SYCP1: variants seen among roughly 807,000 people sequenced by gnomAD.
SYCP1 encodes synaptonemal complex protein 1.
Under a neutral mutation model 153.1 loss-of-function variants are expected in SYCP1, and 64 were observed. That is an observed-to-expected ratio of 0.42 (90% CI 0.34 to 0.51). The LOEUF is 0.51. Among genes scored for constraint, SYCP1 ranks in the 20% least tolerant of loss-of-function variants. The probability of loss-of-function intolerance (pLI) is 0.06; values close to 1 mark genes in which losing one functional copy is unlikely to be tolerated. For synonymous variants in SYCP1, 384 were observed against 341.8 expected (o/e 1.12, Z -1.36); for missense variants, 997 against 1,049.0 (o/e 0.95, Z 0.68).
intron 27 of SYCP1, among the ~76,000 whole-genome samples, chr1:114,959,082 TG>T (rs1232392427): frequency 6.6e-6 from 1 of 152,286 alleles, no homozygotes; most frequent in East Asian, 1.9e-4. Context: ...TGAAATTCAG[TG>T]TATCTAGATG....
rs185797679 is a variant in SYCP1, at chr1:114,980,600, A to G, written c.2383-736A>G. ...TATAGGTGAAAAAGAAGAAGTATCA[A>G]TGTATGAAAGAGAACGAATGAAAGT... is the stretch of plus-strand genomic sequence containing the variant. On this transcript the variant is annotated intron_variant, in intron 28 of 31. Coordinates refer to ENST00000369522, the MANE Select transcript of SYCP1 (RefSeq NM_003176.4). Among the ~76,000 whole-genome samples, 11 of 152,060 alleles carry G rather than the reference A, an allele frequency of 7.2e-5. No homozygotes were observed. In the East Asian group the frequency reaches 2.1e-3, roughly 29 times the overall value.
intron 16 of SYCP1, among the ~76,000 whole-genome samples, chr1:114,907,840 C>T (rs1333079739): frequency 2.0e-5 from 3 of 152,130 alleles, no homozygotes; most frequent in Non-Finnish European, 4.4e-5. Flanking sequence ...CTCGGCCTCC[C>T]TATTTATGTC....
At chr1:114,912,562 T>C (rs1278753303) in intron 18 of SYCP1, among the ~76,000 whole-genome samples, 1 of 152,016 alleles carries the variant, frequency 6.6e-6, no homozygotes, top group Non-Finnish European at 1.5e-5. Context: ...TTCAGTTTTT[T>C]TTTTAAATAC....
chr1:114,923,673 T>C lies in SYCP1; in HGVS notation c.1800+143T>C, dbSNP rs994703093. 25 of 788,770 alleles carry C rather than the reference T, an allele frequency of 3.2e-5. No individual in the cohort carries two copies. The African/African-American group carries it at 3.8e-4, about 12-fold the overall frequency. The allele number at this position is 788,770 out of a possible 1,614,324, so 48.9% of individuals were successfully genotyped here. A position where few individuals can be genotyped will look rare whatever the true frequency, so the allele number is the denominator to read the frequency against. Reference sequence around the variant, plus strand: ...ACTGTCATCAGCCATCAACCTTAAATATCTAGGAAAGGTTGGATTATTTTA... The same window carrying C: ...ACTGTCATCAGCCATCAACCTTAAACATCTAGGAAAGGTTGGATTATTTTA... On this transcript the variant is annotated intron_variant, in intron 21 of 31. Transcript: ENST00000369522.
At chr1:114,988,080 C>CAAAAAAAAAAAAAAAA (rs34553973) in intron 30 of SYCP1, among the ~76,000 whole-genome samples, 19 of 114,600 alleles carry the variant, frequency 1.7e-4, no homozygotes, top group South Asian at 2.7e-4. Flanking sequence ...TGATAAACGG[C>CAAAAAAAAAAAAAAAA]AAAAAAAAAA....
At chr1:114,917,898 T>C (rs1178392489) in intron 20 of SYCP1, among the ~76,000 whole-genome samples, 2 of 152,136 alleles carry the variant, frequency 1.3e-5, no homozygotes, top group African/African-American at 4.8e-5. Context: ...CCTTGTCAGA[T>C]GGATAGTTTA....
intron 27 of SYCP1, among the ~76,000 whole-genome samples, chr1:114,960,111 TG>T (rs1671687457): frequency 1.3e-5 from 2 of 151,394 alleles, no homozygotes; most frequent in Non-Finnish European, 2.9e-5. Flanking sequence ...TACCTAGCAG[TG>T]GGATGGCTGG....
chr1:114,964,913 G>C (rs957235606), intron 27 of SYCP1, among the ~76,000 whole-genome samples: 4 of 152,202 alleles, frequency 2.6e-5, no homozygotes, highest in Admixed American at 2.6e-4. Context: ...GTCAATGGTA[G>C]CTTGATGGGG....
At chr1:114,919,575 T>A (rs360579) in intron 20 of SYCP1, among the ~76,000 whole-genome samples, 58,557 of 151,894 alleles carry the variant, frequency 0.39, 12,501 homozygotes, top group East Asian at 0.5. Flanking sequence ...TCTGTAGGAT[T>A]GATATTAATT....
rs141451033 is a variant in SYCP1 at position 114,869,569 on chromosome 1, C to T, written c.599-4937C>T. Among the ~76,000 whole-genome samples the T allele has an allele frequency of 1.2e-3, 184 of 152,252 alleles. 1 individual carries two copies. In the East Asian group the frequency reaches 0.012, roughly 10 times the overall value. On this transcript the variant is annotated intron_variant, in intron 8 of 31. Coordinates refer to ENST00000369522, the MANE Select transcript of SYCP1 (RefSeq NM_003176.4). ...TTGATGGTTTTATTGAATCCAACTA[C>T]AGGTTAAGCAGCCCTAATCCAAAAA...
chr1:114,945,507 A>C (rs1232670858), intron 25 of SYCP1, among the ~76,000 whole-genome samples: 1 of 149,918 alleles, frequency 6.7e-6, no homozygotes, highest in Non-Finnish European at 1.5e-5. Flanking sequence ...TATTCAATTA[A>C]AAAAAAAAGC....
intron 27 of SYCP1, among the ~76,000 whole-genome samples, chr1:114,958,213 C>T (rs1466695848): frequency 6.6e-6 from 1 of 152,128 alleles, no homozygotes; most frequent in Admixed American, 6.5e-5. Context: ...TAAATATTCT[C>T]ACTCATATGT....
intron 23 of SYCP1, among the ~76,000 whole-genome samples, chr1:114,937,466 A>G (rs1670095853): frequency 6.6e-6 from 1 of 152,234 alleles, no homozygotes; most frequent in African/African-American, 2.4e-5. Flanking sequence ...AGGCGATACC[A>G]TTCAGGACAT....
chr1:114,869,800 C>G (rs1664991621), intron 8 of SYCP1, among the ~76,000 whole-genome samples: 1 of 152,132 alleles, frequency 6.6e-6, no homozygotes, highest in Admixed American at 6.6e-5. Context: ...AAGGGACACT[C>G]AACATACATG....
chr1:114,892,440 C>G lies in SYCP1; in HGVS notation c.1259-3008C>G, dbSNP rs539658302. On this transcript the variant is annotated intron_variant, in intron 15 of 31. Transcript: ENST00000369522. ...GCTTCAGCCCCAGGCATCAGCTGTC[C>G]GTGAGCCTGTACTCAGGGCATGTGA... Among the ~76,000 whole-genome samples, 39 of 152,224 alleles carry G rather than the reference C, an allele frequency of 2.6e-4. No individual in the cohort carries two copies. The Middle Eastern group carries it at 0.01, about 40-fold the overall frequency.
intron 20 of SYCP1, among the ~76,000 whole-genome samples, chr1:114,917,366 T>C (rs549807361): frequency 2.0e-5 from 3 of 152,286 alleles, no homozygotes; most frequent in African/African-American, 7.2e-5. Context: ...TGTATATGCA[T>C]CACATTTTTG....
intron 16 of SYCP1, among the ~76,000 whole-genome samples, chr1:114,907,716 G>C (rs1667908265): frequency 6.6e-6 from 1 of 151,818 alleles, no homozygotes; most frequent in African/African-American, 2.4e-5. Context: ...CGAGTAGCTG[G>C]GACTACAGGC....
intron 27 of SYCP1, among the ~76,000 whole-genome samples, chr1:114,953,483 A>T (rs188304744): frequency 5.5e-4 from 84 of 152,280 alleles, no homozygotes; most frequent in Admixed American, 9.8e-4. Context: ...TTTTGAGTTA[A>T]TTGTTATATA....
intron 28 of SYCP1, among the ~76,000 whole-genome samples, chr1:114,980,321 C>G (rs1673068450): frequency 1.3e-5 from 2 of 151,522 alleles, no homozygotes; most frequent in Non-Finnish European, 2.9e-5. Flanking sequence ...CTATTACTAG[C>G]TTTTACTAGA....
Sources: allele counts gnomAD v4.1 joint callset (sites outside exome capture counted in the v4.1 genomes callset), GRCh38; gene constraint gnomAD v4.1.1; transcripts MANE v1.5; gene names NCBI Gene and HGNC (gene_info 2026-07-23, HGNC 2026-07-21).